Variants in CYFIP1 observed in about 807,000 individuals in gnomAD.
CYFIP1 encodes the protein cytoplasmic FMR1 interacting protein 1.
Under a neutral mutation model 163.5 loss-of-function variants are expected in CYFIP1, and 58 were observed. That is an observed-to-expected ratio of 0.35 (90% CI 0.29 to 0.44). The LOEUF (loss-of-function observed/expected upper bound fraction) is 0.44, where lower values mean the gene tolerates loss of function less well. Ranked by LOEUF, CYFIP1 falls within the 20% of genes least tolerant of loss-of-function variation. CYFIP1 has a pLI of 1.00. For missense variants in CYFIP1, 1,338 were observed against 1,653.8 expected (o/e 0.81, Z 3.31); for synonymous variants, 663 against 660.7 (o/e 1.00, Z -0.05).
chr15:22,948,459 G>T (rs1196634124), intron 1 of CYFIP1, among the ~76,000 whole-genome samples: 1 of 152,130 alleles, frequency 6.6e-6, no homozygotes, highest in African/African-American at 2.4e-5. Context: ...TCTCCTCAGG[G>T]TGTTTGCTTT....
intron 1 of CYFIP1, among the ~76,000 whole-genome samples, chr15:22,957,470 A>G (rs2062509799): frequency 6.6e-6 from 1 of 152,172 alleles, no homozygotes; most frequent in Non-Finnish European, 1.5e-5. Context: ...CCCCACCTCT[A>G]CTAAAAATAC....
chr15:22,918,919 C>A, intron 13 of CYFIP1, 61 bp from the exon 14 acceptor site: 1 of 1,358,140 alleles, frequency 7.4e-7, no homozygotes, highest in Admixed American at 2.1e-5. Context: ...CCTCCTCTGC[C>A]TGGCACATGC....
chr15:22,882,632 C>T (rs1269050167), intron 24 of CYFIP1, among the ~76,000 whole-genome samples: 1 of 152,164 alleles, frequency 6.6e-6, no homozygotes, highest in Non-Finnish European at 1.5e-5. Context: ...TAGCAAGACC[C>T]CCTCTCTACA....
At chr15:22,927,052 C>G (rs1236418992) in intron 12 of CYFIP1, among the ~76,000 whole-genome samples, 1 of 152,090 alleles carries the variant, frequency 6.6e-6, no homozygotes, top group African/African-American at 2.4e-5. Flanking sequence ...AAAAATGAGA[C>G]TTGGCCAGGT....
At chr15:22,877,211 CGAGAGCAG>C (rs2059611829) in intron 26 of CYFIP1, among the ~76,000 whole-genome samples, 1 of 152,154 alleles carries the variant, frequency 6.6e-6, no homozygotes, top group Non-Finnish European at 1.5e-5. Flanking sequence ...TAAGCTCCTG[CGAGAGCAG>C]GTTGTTGTAA....
At chr15:22,973,895 G>A (rs951930056) in intron 1 of CYFIP1, among the ~76,000 whole-genome samples, 3 of 152,152 alleles carry the variant, frequency 2.0e-5, no homozygotes, top group African/African-American at 7.2e-5. Flanking sequence ...AAAAGAAGGT[G>A]TACAAGTGGC....
At position 22,914,802 on chromosome 15, in the gene CYFIP1, G is replaced by A. The variant is rs1219300974; in HGVS notation, c.1909C>T (p.Gln637Ter). 1 of 1,613,716 alleles carries A rather than the reference G, an allele frequency of 6.2e-7. No individual in the cohort carries two copies. The highest frequency in any genetic ancestry group is 8.5e-7 in the Non-Finnish European group (1 of 1,179,872). The change falls in exon 17 of 31, where the codon CAG becomes TAG. Residue 637 changes from glutamine to a stop codon, truncating the protein, a stop_gained. Transcript: ENST00000617928. LOFTEE classifies it high-confidence loss of function. ...FLELTMGRRI[Q>*]FPIEMSMPWI... is the part of the protein sequence containing the mutation. ...GGCATCGACATCTCAATGGGGAACT[G>A]GATCCTCCTGCCCATGGTCAGCTCC...
chr15:22,979,974 G>A (rs900683633), intron 1 of CYFIP1, among the ~76,000 whole-genome samples: 1 of 152,114 alleles, frequency 6.6e-6, no homozygotes, highest in African/African-American at 2.4e-5. Context: ...CCGGGGGCGC[G>A]AGGCGGTGAA....
rs1020090439 is a variant in CYFIP1 at position 22,948,069 on chromosome 15, T to C, written c.-6-778A>G. Reference sequence around the variant, plus strand: ...GCAGCAGGTGGCCTGGAGGAGACACTGAACAGAAGGAGCCCCAAATCCCTC... The same window carrying C: ...GCAGCAGGTGGCCTGGAGGAGACACCGAACAGAAGGAGCCCCAAATCCCTC... On this transcript the variant is annotated intron_variant, in intron 1 of 30. Coordinates refer to ENST00000617928, the MANE Select transcript of CYFIP1 (RefSeq NM_014608.6). 1.8e-5 allele frequency: 16 copies of C among 865,522 alleles called. No homozygotes were observed. In the African/African-American group the frequency reaches 3.0e-4, roughly 16 times the overall value. 53.6% of individuals were successfully genotyped at this position (865,522 alleles called of 1,614,324 possible).
chr15:22,980,682 C>T (rs2063456681), upstream of CYFIP1, among the ~76,000 whole-genome samples: 1 of 152,028 alleles, frequency 6.6e-6, no homozygotes, highest in Non-Finnish European at 1.5e-5. Flanking sequence ...GGTCCGCACC[C>T]TGTCCCGGGG....
At chr15:22,901,959 G>T (rs780247267) in intron 22 of CYFIP1, among the ~76,000 whole-genome samples, 3 of 152,194 alleles carry the variant, frequency 2.0e-5, no homozygotes, top group Non-Finnish European at 4.4e-5. Context: ...CTCTTCTGCA[G>T]AAAATGCCCC....
intron 12 of CYFIP1, among the ~76,000 whole-genome samples, chr15:22,926,708 A>G (rs1164407948): frequency 6.6e-6 from 1 of 152,208 alleles, no homozygotes; most frequent in African/African-American, 2.4e-5. Context: ...CTGGAGCTCC[A>G]AAGAGAAAAT....
Position 22,873,458 on chromosome 15 carries a change from T to C in CYFIP1, c.3449+33A>G, listed in dbSNP as rs750984079. The C allele has an allele frequency of 1.9e-6, 3 of 1,573,662 alleles. No homozygotes were observed. The Admixed American group carries it at 5.1e-5, about 27-fold the overall frequency. On this transcript the variant is annotated intron_variant, in intron 29 of 30. Transcript: ENST00000617928. ...CTCCCCCACAGCTCCTCCCCTCCTCTGGGGCTTTGTCCTGCTCTCAGCACA... is the reference window on the plus strand; with the variant it reads ...CTCCCCCACAGCTCCTCCCCTCCTCCGGGGCTTTGTCCTGCTCTCAGCACA...
At chr15:22,944,491 T>C (rs543013155) in intron 5 of CYFIP1, 67 bp downstream of exon 5, 3 of 1,027,732 alleles carry the variant, frequency 2.9e-6, no homozygotes, top group East Asian at 2.4e-5. Context: ...GTGACAGTGA[T>C]GGGTAGGAAG....
At chr15:22,943,749 A>G (rs895436113) in intron 5 of CYFIP1, among the ~76,000 whole-genome samples, 1 of 152,212 alleles carries the variant, frequency 6.6e-6, no homozygotes, top group African/African-American at 2.4e-5. Context: ...TCTCCCAGTT[A>G]GTTCCATCTC....
Position 22,898,280 on chromosome 15 carries a change from G to C in CYFIP1, c.2589-5303C>G, listed in dbSNP as rs2060294907. Among the ~76,000 whole-genome samples, 4 of 151,812 alleles carry C rather than the reference G, an allele frequency of 2.6e-5. No homozygotes were observed. In the South Asian group the frequency reaches 6.2e-4, roughly 24 times the overall value. On this transcript the variant is annotated intron_variant, in intron 22 of 30. Transcript: ENST00000617928. ...AATTTTATTTATTTATTTATTTTGA[G>C]ACAGAGTCTCACTCTGTCACCCAGG...
chr15:22,916,772 G>A (rs758355770), intron 15 of CYFIP1, 142 bp from the exon 16 acceptor site: 38 of 1,601,900 alleles, frequency 2.4e-5, no homozygotes, highest in South Asian at 8.9e-5. Flanking sequence ...CGAGGGGTCC[G>A]GGTGCCTGTC....
intron 15 of CYFIP1, 80 bp from the exon 16 acceptor site, chr15:22,916,710 G>A (rs745808213): frequency 3.1e-6 from 5 of 1,614,112 alleles, no homozygotes; most frequent in Non-Finnish European, 4.2e-6. Context: ...AAGCCCATGA[G>A]AGAAGGACTG....
chr15:22,929,673 C>T (rs1166708412), intron 11 of CYFIP1, among the ~76,000 whole-genome samples: 5 of 140,646 alleles, frequency 3.6e-5, no homozygotes, highest in Admixed American at 1.5e-4. Flanking sequence ...CGGTGGCTCA[C>T]GCCTGTAATC....
Sources: gnomAD v4.1 joint callset for allele counts (sites outside exome capture counted in the v4.1 genomes callset) on GRCh38, gnomAD v4.1.1 for gene constraint, MANE v1.5 for transcripts, NCBI Gene and HGNC (gene_info 2026-07-23, HGNC 2026-07-21) for gene names.